GRIK2: variants seen among roughly 807,000 people sequenced by gnomAD.
The protein encoded by GRIK2 is glutamate receptor ionotropic, kainate 2.
GRIK2 carries 32 observed loss-of-function variants against 100.3 expected under a neutral mutation model. The ratio of observed to expected loss-of-function variants is 0.32; its 90% CI spans 0.24 to 0.43. The LOEUF (loss-of-function observed/expected upper bound fraction) is 0.43. Ranked by LOEUF, GRIK2 falls within the 20% of genes least tolerant of loss-of-function variation. The probability of loss-of-function intolerance (pLI) is 1.00; values close to 1 mark genes in which losing one functional copy is unlikely to be tolerated. For missense variants in GRIK2, 843 were observed against 1,114.9 expected (o/e 0.76, Z 3.47); for synonymous variants, 417 against 389.4 (o/e 1.07, Z -0.83).
At chr6:101,526,866 A>C (rs1434702445) in intron 2 of GRIK2, among the ~76,000 whole-genome samples, 2 of 152,132 alleles carry the variant, frequency 1.3e-5, no homozygotes, top group Non-Finnish European at 2.9e-5. Flanking sequence ...ACCAGGTTCC[A>C]ACAGATGCAC....
intron 2 of GRIK2, among the ~76,000 whole-genome samples, chr6:101,593,580 G>A (rs1056078385): frequency 6.6e-6 from 1 of 151,830 alleles, no homozygotes; most frequent in East Asian, 1.9e-4. Context: ...AAGCTACAGA[G>A]TGTATTTCTA....
At chr6:101,798,202 C>T (rs899365159) in intron 7 of GRIK2, among the ~76,000 whole-genome samples, 1 of 152,022 alleles carries the variant, frequency 6.6e-6, no homozygotes, top group Non-Finnish European at 1.5e-5. Context: ...ATTACCCTTT[C>T]TGTTGACAGT....
chr6:101,582,901 C>T (rs1778170802), intron 2 of GRIK2, among the ~76,000 whole-genome samples: 1 of 147,794 alleles, frequency 6.8e-6, no homozygotes, highest in Admixed American at 6.9e-5. Context: ...TGTCCATAGC[C>T]ACTACAATCT....
intron 14 of GRIK2, among the ~76,000 whole-genome samples, chr6:101,983,079 G>A (rs753013272): frequency 1.1e-4 from 16 of 151,698 alleles, no homozygotes; most frequent in South Asian, 8.3e-4. Context: ...TATCCATTTG[G>A]ACAATAAATG....
chr6:101,878,638 T>A (rs1582440928), intron 11 of GRIK2, among the ~76,000 whole-genome samples: 1 of 152,134 alleles, frequency 6.6e-6, no homozygotes, highest in South Asian at 2.1e-4. Flanking sequence ...TTGAGCTCTG[T>A]TGACTTTCTG....
intron 10 of GRIK2, among the ~76,000 whole-genome samples, 155 bp downstream of exon 10, chr6:101,818,638 A>G (rs925157238): frequency 6.6e-6 from 1 of 152,220 alleles, no homozygotes; most frequent in Non-Finnish European, 1.5e-5. Flanking sequence ...TAATTTAGTC[A>G]CAGTTTTGTT....
intron 14 of GRIK2, among the ~76,000 whole-genome samples, chr6:101,935,908 A>T (rs1284879573): frequency 1.3e-5 from 2 of 152,056 alleles, no homozygotes; most frequent in African/African-American, 4.8e-5. Flanking sequence ...GACTTGGAAG[A>T]TGAAATACCT....
At chr6:101,526,789 C>T (rs1054375367) in intron 2 of GRIK2, among the ~76,000 whole-genome samples, 1 of 152,090 alleles carries the variant, frequency 6.6e-6, no homozygotes, top group Non-Finnish European at 1.5e-5. Flanking sequence ...GTGGAATCAC[C>T]CCCTTAGCCC....
At chr6:101,828,800 A>T (rs1327533726) in intron 10 of GRIK2, among the ~76,000 whole-genome samples, 1 of 151,966 alleles carries the variant, frequency 6.6e-6, no homozygotes, top group Non-Finnish European at 1.5e-5. Context: ...AAAGCTGTGG[A>T]CCAGATGGAC....
At chr6:102,057,486 A>T (rs573090695) in intron 16 of GRIK2, among the ~76,000 whole-genome samples, 61 of 152,134 alleles carry the variant, frequency 4.0e-4, no homozygotes, top group Non-Finnish European at 6.5e-4. Context: ...ATCTCTTGAC[A>T]TTCTATGGAT....
At chr6:101,963,679 C>T (rs923934583) in intron 14 of GRIK2, among the ~76,000 whole-genome samples, 1 of 151,702 alleles carries the variant, frequency 6.6e-6, no homozygotes, top group African/African-American at 2.4e-5. Context: ...TAGAAACAAT[C>T]CTAGAAAGCT....
intron 2 of GRIK2, among the ~76,000 whole-genome samples, chr6:101,618,474 T>A (rs959266077): frequency 6.6e-6 from 1 of 151,778 alleles, no homozygotes; most frequent in Non-Finnish European, 1.5e-5. Flanking sequence ...ATCCTTTAAT[T>A]CTATTTATGC....
intron 7 of GRIK2, among the ~76,000 whole-genome samples, chr6:101,696,293 A>C (rs1039766280): frequency 4.0e-5 from 6 of 151,718 alleles, no homozygotes; most frequent in South Asian, 2.1e-4. Flanking sequence ...GGCATATAAT[A>C]AAATTTATAT....
intron 7 of GRIK2, among the ~76,000 whole-genome samples, chr6:101,730,641 C>CT (rs1232077312): frequency 6.6e-6 from 1 of 151,330 alleles, no homozygotes; most frequent in Non-Finnish European, 1.5e-5. Context: ...ACCTTTCACC[C>CT]TTTTTTGTTT....
chr6:101,630,703 A>G (rs1780692140), intron 4 of GRIK2, among the ~76,000 whole-genome samples: 1 of 152,158 alleles, frequency 6.6e-6, no homozygotes. Context: ...GCTTCTCAAA[A>G]GAGCAAGATG....
chr6:101,593,296 CTGCTCTAAGTTGATT>C (rs1174951542), intron 2 of GRIK2, among the ~76,000 whole-genome samples: 6 of 151,946 alleles, frequency 3.9e-5, no homozygotes, highest in African/African-American at 1.4e-4. Flanking sequence ...CCCTAACTCT[CTGCTCTAAGTTGATT>C]TCTCCCAAAG....
At chr6:101,985,293 A>C (rs1023600449) in intron 14 of GRIK2, among the ~76,000 whole-genome samples, 6 of 151,758 alleles carry the variant, frequency 4.0e-5, no homozygotes, top group African/African-American at 1.4e-4. Context: ...CATTAAAGGA[A>C]ACTTTGTTTA....
At chr6:101,506,902 T>C (rs952573903) in intron 2 of GRIK2, among the ~76,000 whole-genome samples, 1 of 152,164 alleles carries the variant, frequency 6.6e-6, no homozygotes, top group African/African-American at 2.4e-5. Context: ...AATGATTCAC[T>C]GAAAACTCTG....
At chr6:101,662,406 C>A (rs1459975143) in intron 4 of GRIK2, among the ~76,000 whole-genome samples, 1 of 152,126 alleles carries the variant, frequency 6.6e-6, no homozygotes, top group Non-Finnish European at 1.5e-5. Context: ...CAAGAAACTG[C>A]CTAGATTTTT....
Sources: gnomAD v4.1 joint callset for allele counts (sites outside exome capture counted in the v4.1 genomes callset) on GRCh38, gnomAD v4.1.1 for gene constraint, MANE v1.5 for transcripts, NCBI Gene and HGNC (gene_info 2026-07-23, HGNC 2026-07-21) for gene names.